The following ABCG2 variants were observed in gnomAD, a reference collection of about 807,000 sequenced individuals.
ABCG2 encodes the protein broad substrate specificity ATP-binding cassette transporter ABCG2.
A neutral mutation model predicts 73.5 loss-of-function variants in ABCG2; 80 were observed. The ratio of observed to expected loss-of-function variants is 1.09; its 90% confidence interval spans 0.91 to 1.31. The LOEUF (loss-of-function observed/expected upper bound fraction) is 1.31. ABCG2 is among the 50% of genes most tolerant of loss of function. The probability of loss-of-function intolerance (pLI) is 0.00; values close to 1 mark genes in which losing one functional copy is unlikely to be tolerated. For synonymous variants in ABCG2, 269 were observed against 282.4 expected, an observed-to-expected ratio of 0.95 and a Z score of 0.48; for missense variants, 796 against 786.2, an observed-to-expected ratio of 1.01 and a Z score of -0.15.
chr4:88,131,307 A>G lies in ABCG2; in HGVS notation c.379-94T>C, dbSNP rs1164680889. On this transcript the variant is annotated intron_variant, in intron 4 of 15. Coordinates refer to ENST00000237612, the MANE Select transcript of ABCG2 (RefSeq NM_004827.3). ...TATACATAACATAATCCACAAAGAT[A>G]ACATAACTAAGGTAAAGTTCTAGCT... 6.8e-6 allele frequency: 9 copies of G among 1,322,066 alleles called. No homozygotes were observed. In the Admixed American group the frequency reaches 1.8e-4, roughly 27 times the overall value. The allele number at this position is 1,322,066 out of a possible 1,614,324, so 81.9% of individuals were successfully genotyped here.
chr4:88,203,345 C>T (rs1729253872), intron 1 of ABCG2, among the ~76,000 whole-genome samples: 1 of 152,122 alleles, frequency 6.6e-6, no homozygotes, highest in African/African-American at 2.4e-5. Context: ...TTCAATGATC[C>T]AGGGCCCCAG....
At chr4:88,102,746 A>G (rs891128349) in intron 10 of ABCG2, among the ~76,000 whole-genome samples, 5 of 152,180 alleles carry the variant, frequency 3.3e-5, no homozygotes, top group African/African-American at 1.2e-4. Flanking sequence ...TGTGAGTTGA[A>G]ACTGAAAAAG....
intron 1 of ABCG2, among the ~76,000 whole-genome samples, chr4:88,227,779 GA>G (rs1224176678): frequency 1.3e-5 from 2 of 152,208 alleles, no homozygotes; most frequent in African/African-American, 4.8e-5. Context: ...AAACAAAGTA[GA>G]AATAGGATTA....
chr4:88,217,216 G>C (rs1288313830), intron 1 of ABCG2, among the ~76,000 whole-genome samples: 1 of 152,028 alleles, frequency 6.6e-6, no homozygotes, highest in Admixed American at 6.6e-5. Flanking sequence ...TATATACCTA[G>C]ATCTTACAGA....
intron 5 of ABCG2, 94 bp downstream of exon 5, chr4:88,130,967 A>G (rs1724817135): frequency 1.4e-6 from 2 of 1,398,890 alleles, no homozygotes; most frequent in Non-Finnish European, 2.0e-6. Context: ...TTGACCATAC[A>G]CATTACAGGA....
At chr4:88,140,132 T>C in intron 1 of ABCG2, 118 bp from the exon 2 acceptor site, 1 of 808,630 alleles carries the variant, frequency 1.2e-6, no homozygotes. Context: ...GCAGCTTCAT[T>C]TCCAATGAAT....
chr4:88,207,094 C>T (rs1729409749), intron 1 of ABCG2, among the ~76,000 whole-genome samples: 1 of 152,308 alleles, frequency 6.6e-6, no homozygotes, highest in South Asian at 2.1e-4. Context: ...TGTGCCCAGT[C>T]TCAAAGCAGT....
At chr4:88,109,475 C>G (rs1395590892) in intron 9 of ABCG2, among the ~76,000 whole-genome samples, 1 of 152,174 alleles carries the variant, frequency 6.6e-6, no homozygotes, top group Admixed American at 6.5e-5. Context: ...GTAACCTTGG[C>G]ATGCTTTTAT....
Position 88,158,487 on chromosome 4 carries a change from G to A in ABCG2, c.-121C>T, listed in dbSNP as rs981141675. ...ATTAAGGATGTAAATGTTGGGATGA[G>A]TCACCCGGACCTTCCAAACAAACTC... On this transcript the variant is annotated 5_prime_UTR_variant, in exon 1 of 16. Transcript: ENST00000237612. 4.4e-6 allele frequency: 2 copies of A among 456,256 alleles called. No homozygotes were observed. Among genetic ancestry groups the A allele is most frequent in the South Asian group, 3.1e-5 (2 of 64,566 alleles). The allele number at this position is 456,256 out of a possible 1,614,324, so 28.3% of individuals were successfully genotyped here.
chr4:88,113,806 C>CA (rs1177876393), intron 8 of ABCG2, among the ~76,000 whole-genome samples: 4 of 150,766 alleles, frequency 2.7e-5, no homozygotes, highest in East Asian at 3.9e-4. Flanking sequence ...ACTGAAAATA[C>CA]AAAAAAAATT....
At chr4:88,229,973 G>T (rs1053381051) in intron 1 of ABCG2, among the ~76,000 whole-genome samples, 5 of 114,996 alleles carry the variant, frequency 4.3e-5, no homozygotes, top group African/African-American at 1.5e-4. Context: ...ATTTTTTCTG[G>T]CATGCATTAT....
At position 88,158,544 on chromosome 4, in the gene ABCG2, C is replaced by A. The variant is rs753474975; in HGVS notation, c.-178G>T. 1 of 456,460 alleles carries A rather than the reference C, an allele frequency of 2.2e-6. No individual in the cohort carries two copies. The highest frequency in any genetic ancestry group is 2.3e-5 in the Admixed American group (1 of 42,588). 28.3% of individuals were successfully genotyped at this position (456,460 alleles called of 1,614,324 possible). On this transcript the variant is annotated 5_prime_UTR_variant, in exon 1 of 16. Transcript: ENST00000237612. Reference sequence around the variant, plus strand: ...AGCAGTTTCCACTTAACAAGACCACCAAGCATGTGCACGGTGCGTTCCTAA... The same window carrying A: ...AGCAGTTTCCACTTAACAAGACCACAAAGCATGTGCACGGTGCGTTCCTAA...
chr4:88,217,657 G>A (rs1460269418), intron 1 of ABCG2, among the ~76,000 whole-genome samples: 1 of 135,506 alleles, frequency 7.4e-6, no homozygotes, highest in Non-Finnish European at 1.6e-5. Context: ...ATGAGACCCT[G>A]CCTCAAAAAA....
At chr4:88,220,832 C>T (rs961322837) in intron 1 of ABCG2, among the ~76,000 whole-genome samples, 1 of 152,106 alleles carries the variant, frequency 6.6e-6, no homozygotes, top group African/African-American at 2.4e-5. Context: ...ACTTTCCCAC[C>T]CCTCTTTGCT....
intron 1 of ABCG2, among the ~76,000 whole-genome samples, chr4:88,140,633 GA>G (rs1023232538): frequency 1.3e-5 from 2 of 151,494 alleles, no homozygotes; most frequent in Non-Finnish European, 2.9e-5. Flanking sequence ...AAAACAAAGG[GA>G]AAAAAAAGAA....
At chr4:88,224,835 GCT>G (rs1166859853) in intron 1 of ABCG2, among the ~76,000 whole-genome samples, 1 of 152,166 alleles carries the variant, frequency 6.6e-6, no homozygotes, top group Non-Finnish European at 1.5e-5. Context: ...TGCAGTTTTA[GCT>G]CTTTGTGTCT....
chr4:88,124,035 C>T (rs113119169), intron 5 of ABCG2, among the ~76,000 whole-genome samples: 16,402 of 152,076 alleles, frequency 0.11, 2,275 homozygotes, highest in African/African-American at 0.32. Flanking sequence ...AAGAATTTTT[C>T]ACCCAGAATT....
At chr4:88,153,940 G>C (rs777544188) in intron 1 of ABCG2, among the ~76,000 whole-genome samples, 16 of 152,142 alleles carry the variant, frequency 1.1e-4, no homozygotes, top group Non-Finnish European at 1.6e-4. Flanking sequence ...TTTCCACGAT[G>C]GAAAGGAAAT....
intron 1 of ABCG2, among the ~76,000 whole-genome samples, chr4:88,203,540 G>A (rs528234184): frequency 3.9e-5 from 6 of 152,242 alleles, no homozygotes; most frequent in South Asian, 2.1e-4. Flanking sequence ...GGTCACCTGA[G>A]GCCACGAGTT....
Sources: allele counts gnomAD v4.1 joint callset (sites outside exome capture counted in the v4.1 genomes callset), GRCh38; gene constraint gnomAD v4.1.1; transcripts MANE v1.5; gene names NCBI Gene and HGNC (gene_info 2026-07-23, HGNC 2026-07-21).